Variants in LRRFIP1 observed in about 807,000 individuals in gnomAD.
LRRFIP1 encodes LRR binding FLII interacting protein 1.
Under a neutral mutation model 104.4 loss-of-function variants are expected in LRRFIP1, and 62 were observed. The observed-to-expected ratio is 0.59, with a 90% CI of 0.48 to 0.73. LRRFIP1 has a LOEUF of 0.73. Ranked by LOEUF, LRRFIP1 falls within the 30% of genes least tolerant of loss-of-function variation. The pLI, the probability that LRRFIP1 is intolerant of heterozygous loss-of-function variation, is 0.00. For synonymous variants in LRRFIP1, 300 were observed against 299.0 expected (o/e 1.00, Z -0.03); for missense variants, 796 against 824.5 (o/e 0.97, Z 0.42).
chr2:237,701,131 G>A (rs967744302), intron 1 of LRRFIP1, among the ~76,000 whole-genome samples: 12 of 152,194 alleles, frequency 7.9e-5, no homozygotes, highest in African/African-American at 2.2e-4. Context: ...AAGGAGTGTG[G>A]GGCTTTTGAA....
intron 1 of LRRFIP1, among the ~76,000 whole-genome samples, chr2:237,630,205 A>G (rs1327415889): frequency 2.6e-5 from 4 of 152,214 alleles, no homozygotes; most frequent in Admixed American, 2.6e-4. Flanking sequence ...ATGTTTTAGT[A>G]CAAATTAACT....
intron 19 of LRRFIP1, 86 bp downstream of exon 19, chr2:237,760,291 G>A (rs779508288): frequency 1.8e-4 from 252 of 1,422,224 alleles, no homozygotes; most frequent in Non-Finnish European, 2.1e-4. Context: ...TGGAGCCACC[G>A]TCGCTGATGG....
chr2:237,748,066 G>A (rs2058106598), intron 11 of LRRFIP1, among the ~76,000 whole-genome samples: 1 of 152,186 alleles, frequency 6.6e-6, no homozygotes, highest in Admixed American at 6.5e-5. Context: ...CGTTCCTCAT[G>A]TGCACCCTCT....
At chr2:237,631,544 T>G (rs1305846406) in intron 1 of LRRFIP1, among the ~76,000 whole-genome samples, 3 of 152,194 alleles carry the variant, frequency 2.0e-5, no homozygotes, top group Admixed American at 2.0e-4. Flanking sequence ...GGAGAAAGGT[T>G]TAGTACGCAC....
At chr2:237,738,199 A>C (rs952712757) in intron 10 of LRRFIP1, among the ~76,000 whole-genome samples, 1 of 151,604 alleles carries the variant, frequency 6.6e-6, no homozygotes, top group African/African-American at 2.4e-5. Context: ...TGGAGCACCC[A>C]TGAAGATCTG....
At chr2:237,779,008 G>A (rs1053227937) in intron 23 of LRRFIP1, among the ~76,000 whole-genome samples, 5 of 152,150 alleles carry the variant, frequency 3.3e-5, no homozygotes, top group Admixed American at 6.5e-5. Flanking sequence ...CAGATCACGA[G>A]GTCAGGAGAT....
intron 1 of LRRFIP1, among the ~76,000 whole-genome samples, chr2:237,644,626 A>C (rs1301900530): frequency 6.6e-6 from 1 of 152,212 alleles, no homozygotes; most frequent in Admixed American, 6.5e-5. Context: ...ATGATAGAGA[A>C]TACATAACCT....
At chr2:237,750,401 A>G (rs1189447776) in intron 13 of LRRFIP1, among the ~76,000 whole-genome samples, 1 of 129,298 alleles carries the variant, frequency 7.7e-6, no homozygotes, top group Non-Finnish European at 1.5e-5. Flanking sequence ...CAATGGCACG[A>G]TCTCGGCTCA....
chr2:237,737,380 A>G (rs1049000965), intron 10 of LRRFIP1, among the ~76,000 whole-genome samples: 1 of 152,224 alleles, frequency 6.6e-6, no homozygotes, highest in African/African-American at 2.4e-5. Flanking sequence ...AGATGGAGCC[A>G]TGATTCAGAC....
chr2:237,758,186 C>T (rs918194133), intron 17 of LRRFIP1, among the ~76,000 whole-genome samples: 2 of 152,106 alleles, frequency 1.3e-5, no homozygotes, highest in Non-Finnish European at 2.9e-5. Context: ...ACTCAAGCCA[C>T]ACTGTGTTTC....
chr2:237,636,378 T>C (rs2083126039), intron 1 of LRRFIP1, among the ~76,000 whole-genome samples: 1 of 148,558 alleles, frequency 6.7e-6, no homozygotes, highest in Non-Finnish European at 1.5e-5. Flanking sequence ...TGTCTTTTGG[T>C]AATACTTCAA....
chr2:237,659,363 T>C (rs992743620), intron 1 of LRRFIP1, among the ~76,000 whole-genome samples: 3 of 151,878 alleles, frequency 2.0e-5, no homozygotes, highest in Admixed American at 2.0e-4. Context: ...CCCAAAGTGC[T>C]GGGATTACAG....
At chr2:237,662,099 G>A (rs776833164) in intron 1 of LRRFIP1, among the ~76,000 whole-genome samples, 4 of 152,162 alleles carry the variant, frequency 2.6e-5, no homozygotes, top group Non-Finnish European at 5.9e-5. Context: ...AGGCTCTGAG[G>A]GGAAGGTGTT....
At chr2:237,647,513 G>T (rs552998191) in intron 1 of LRRFIP1, among the ~76,000 whole-genome samples, 2 of 152,062 alleles carry the variant, frequency 1.3e-5, no homozygotes, top group Non-Finnish European at 2.9e-5. Context: ...CCCTCAGATG[G>T]GTGCCCCCCC....
chr2:237,688,206 CCT>C (rs1270509292), intron 1 of LRRFIP1, among the ~76,000 whole-genome samples: 9 of 152,050 alleles, frequency 5.9e-5, no homozygotes, highest in African/African-American at 1.7e-4. Flanking sequence ...CCCAAAGTAC[CCT>C]CTCAGTGCAG....
intron 1 of LRRFIP1, among the ~76,000 whole-genome samples, chr2:237,659,171 G>T (rs2087386687): frequency 1.3e-5 from 2 of 152,000 alleles, no homozygotes; most frequent in Non-Finnish European, 2.9e-5. Flanking sequence ...ACAGCTTACT[G>T]CAGCCTCAGA....
At chr2:237,672,023 A>T (rs567333178) in intron 1 of LRRFIP1, among the ~76,000 whole-genome samples, 5 of 151,908 alleles carry the variant, frequency 3.3e-5, no homozygotes, top group Admixed American at 1.3e-4. Context: ...ACGAAATTAT[A>T]TGACTTGATA....
chr2:237,635,567 A>G (rs895501948), intron 1 of LRRFIP1, among the ~76,000 whole-genome samples: 1 of 152,250 alleles, frequency 6.6e-6, no homozygotes, highest in Non-Finnish European at 1.5e-5. Flanking sequence ...CACACCTGTA[A>G]TTCCAGCAAC....
chr2:237,697,239 T>G (rs979958429), intron 1 of LRRFIP1, among the ~76,000 whole-genome samples: 10 of 152,034 alleles, frequency 6.6e-5, no homozygotes, highest in African/African-American at 1.9e-4. Flanking sequence ...GCCGGGGTGG[T>G]CTCAAACTCC....
Sources: gnomAD v4.1 joint callset for allele counts (sites outside exome capture counted in the v4.1 genomes callset) on GRCh38, gnomAD v4.1.1 for gene constraint, MANE v1.5 for transcripts, NCBI Gene and HGNC (gene_info 2026-07-23, HGNC 2026-07-21) for gene names.